Variants in BORCS5 observed in about 807,000 individuals in gnomAD.
The protein encoded by BORCS5 is BLOC-1-related complex subunit 5.
BORCS5 carries 17 observed loss-of-function variants against 22.1 expected under a neutral mutation model. The observed-to-expected ratio is 0.77, with a 90% CI of 0.53 to 1.15. The LOEUF (loss-of-function observed/expected upper bound fraction) is 1.15, where lower values mean the gene tolerates loss of function less well. BORCS5 is among the 50% of genes most tolerant of loss of function. BORCS5 has a pLI of 0.00. For missense variants in BORCS5, 247 were observed against 253.2 expected (o/e 0.98, Z 0.17); for synonymous variants, 117 against 99.8 (o/e 1.17, Z -1.03).
chr12:12,433,902 G>A (rs550591628), intron 2 of BORCS5, among the ~76,000 whole-genome samples: 2 of 152,294 alleles, frequency 1.3e-5, no homozygotes, highest in East Asian at 3.9e-4. Context: ...AGCCTGTCTG[G>A]AGGGAGAGAA....
rs138265849 is a variant in BORCS5, at chr12:12,405,003, A to T, written c.203-30625A>T. Among the ~76,000 whole-genome samples the T allele has an allele frequency of 1.5e-3, 233 of 152,314 alleles. 3 individuals carry two copies. Among genetic ancestry groups the T allele is most frequent in the African/African-American group, 5.4e-3 (226 of 41,582 alleles). ...GGCATGAGCCACCGCGCCCGGCCAGAGAACTACTTTGTGTAAGTCTACGAG... is the reference window on the plus strand; with the variant it reads ...GGCATGAGCCACCGCGCCCGGCCAGTGAACTACTTTGTGTAAGTCTACGAG... On this transcript the variant is annotated intron_variant, in intron 2 of 3. Transcript: ENST00000314565.
chr12:12,439,477 GA>G (rs996079508), intron 3 of BORCS5, among the ~76,000 whole-genome samples: 1 of 149,940 alleles, frequency 6.7e-6, no homozygotes, highest in East Asian at 1.9e-4. Context: ...AAAAGACCAA[GA>G]AAAAAAACAA....
At chr12:12,450,526 A>G (rs1351107500) in intron 3 of BORCS5, among the ~76,000 whole-genome samples, 1 of 152,194 alleles carries the variant, frequency 6.6e-6, no homozygotes, top group African/African-American at 2.4e-5. Flanking sequence ...TTTATTAGAA[A>G]AGTAAACACC....
At chr12:12,409,643 G>T (rs1326428640) in intron 2 of BORCS5, among the ~76,000 whole-genome samples, 1 of 152,090 alleles carries the variant, frequency 6.6e-6, no homozygotes, top group Admixed American at 6.5e-5. Context: ...TGGACATTTG[G>T]GTTGGTTCCA....
rs148082911 is a variant in BORCS5, at chr12:12,467,000, C to T, written c.*1224C>T. ...CTGGAGTGCAGTGGCGCAATCATAG[C>T]ACACTGACTCCTCAAACTCCCGGGC... On this transcript the variant is annotated 3_prime_UTR_variant, in exon 4 of 4. Transcript: ENST00000314565. 6.6e-6 allele frequency: 1 copy of T among 152,368 alleles called. No homozygotes were observed. The allele number at this position is 152,368 out of a possible 1,614,324, so 9.4% of individuals were successfully genotyped here.
Position 12,366,725 on chromosome 12 carries a change from C to T in BORCS5, c.202+5376C>T, listed in dbSNP as rs577267417. On this transcript the variant is annotated intron_variant, in intron 2 of 3. Transcript: ENST00000314565. ...TAATGAATCCCACTCTATTGTATGT[C>T]ATTCTAAAGAAATGAAATATTTGCA... Among the ~76,000 whole-genome samples the T allele has an allele frequency of 4.6e-5, 7 of 152,254 alleles. No homozygotes were observed. In the South Asian group the frequency reaches 1.5e-3, roughly 32 times the overall value.
intron 2 of BORCS5, among the ~76,000 whole-genome samples, chr12:12,376,493 A>C (rs1863657567): frequency 1.3e-5 from 2 of 152,150 alleles, no homozygotes; most frequent in Admixed American, 1.3e-4. Context: ...TCGGCCTCCC[A>C]AAGTGCTGGG....
chr12:12,421,350 G>T lies in BORCS5; in HGVS notation c.203-14278G>T, dbSNP rs1022580426. On this transcript the variant is annotated intron_variant, in intron 2 of 3. Transcript: ENST00000314565. ...CGGTTCTGTTTATGTGATGGATTACGTTTATTGATTTGTGTATGTTGAACC... is the reference window on the plus strand; with the variant it reads ...CGGTTCTGTTTATGTGATGGATTACTTTTATTGATTTGTGTATGTTGAACC... Among the ~76,000 whole-genome samples the T allele has an allele frequency of 3.9e-5, 6 of 152,086 alleles. No individual in the cohort carries two copies. In the East Asian group the frequency reaches 1.2e-3, roughly 29 times the overall value.
chr12:12,389,697 G>A (rs969200435), intron 2 of BORCS5, among the ~76,000 whole-genome samples: 3 of 152,100 alleles, frequency 2.0e-5, no homozygotes, highest in African/African-American at 7.3e-5. Context: ...AGGCTGGAGT[G>A]CGGTGGCATG....
At chr12:12,415,463 T>A (rs992432350) in intron 2 of BORCS5, among the ~76,000 whole-genome samples, 1 of 141,758 alleles carries the variant, frequency 7.1e-6, no homozygotes, top group African/African-American at 2.6e-5. Context: ...GGCAGGAGAA[T>A]CAGGCAGGGA....
chr12:12,357,143 C>G lies in BORCS5; in HGVS notation c.-309C>G. 6.5e-7 allele frequency: 1 copy of G among 1,533,400 alleles called. No individual in the cohort carries two copies. Among genetic ancestry groups the G allele is most frequent in the Non-Finnish European group, 8.7e-7 (1 of 1,145,778 alleles). 95.0% of individuals were successfully genotyped at this position (1,533,400 alleles called of 1,614,324 possible). A position where few individuals can be genotyped will look rare whatever the true frequency, so the allele number is the denominator to read the frequency against. ...AGTGAGTGAAAGCGGCGCCGCCCGCCGGCCGCAGGTGCGGCAAAGCCAGTG... is the reference window on the plus strand; with the variant it reads ...AGTGAGTGAAAGCGGCGCCGCCCGCGGGCCGCAGGTGCGGCAAAGCCAGTG... On this transcript the variant is annotated 5_prime_UTR_variant, in exon 1 of 4. Transcript: ENST00000314565.
intron 2 of BORCS5, among the ~76,000 whole-genome samples, chr12:12,397,292 C>T (rs1941372350): frequency 6.6e-6 from 1 of 152,078 alleles, no homozygotes; most frequent in Non-Finnish European, 1.5e-5. Flanking sequence ...AGTGGAAACC[C>T]CAAAATGCCG....
intron 2 of BORCS5, among the ~76,000 whole-genome samples, chr12:12,404,738 G>A (rs536561858): frequency 1.3e-5 from 2 of 152,178 alleles, no homozygotes; most frequent in East Asian, 3.9e-4. Context: ...AGTCTCTGTT[G>A]CCCAGGCTGG....
chr12:12,392,599 T>C (rs1459680631), intron 2 of BORCS5, among the ~76,000 whole-genome samples: 4 of 152,108 alleles, frequency 2.6e-5, no homozygotes, highest in Non-Finnish European at 4.4e-5. Flanking sequence ...ACAGTATCCT[T>C]ATCTATAAAT....
chr12:12,391,455 G>C (rs576864306), intron 2 of BORCS5, among the ~76,000 whole-genome samples: 8 of 151,356 alleles, frequency 5.3e-5, no homozygotes, highest in African/African-American at 1.9e-4. Context: ...GCATGATCTC[G>C]GCTCACTTCA....
At chr12:12,439,317 G>C (rs377483617) in intron 3 of BORCS5, among the ~76,000 whole-genome samples, 1 of 152,088 alleles carries the variant, frequency 6.6e-6, no homozygotes, top group African/African-American at 2.4e-5. Context: ...CCAGTGTTTT[G>C]GAGCATTCAT....
At position 12,413,226 on chromosome 12, in the gene BORCS5, G is replaced by C. The variant is rs527606479; in HGVS notation, c.203-22402G>C. 5.5e-5 allele frequency among the ~76,000 whole-genome samples: 5 copies of C among 91,698 alleles called. No individual in the cohort carries two copies. In the East Asian group the frequency reaches 1.1e-3, roughly 20 times the overall value. The allele number at this position is 91,698 out of a possible 152,430, so 60.2% of individuals were successfully genotyped here. ...GGTTTTCCTAGGCAGAGGACCCTGC[G>C]GCCTTCCGCAGTGTTTGTGTCCCTG... is the stretch of plus-strand genomic sequence containing the variant. On this transcript the variant is annotated intron_variant, in intron 2 of 3. Transcript: ENST00000314565.
Position 12,383,340 on chromosome 12 carries a change from C to T in BORCS5, c.202+21991C>T, listed in dbSNP as rs941730827. 8.6e-5 allele frequency among the ~76,000 whole-genome samples: 13 copies of T among 150,918 alleles called. 1 individual carries two copies. Among genetic ancestry groups the T allele is most frequent in the African/African-American group, 2.9e-4 (12 of 41,026 alleles). On this transcript the variant is annotated intron_variant, in intron 2 of 3. Coordinates refer to ENST00000314565, the MANE Select transcript of BORCS5 (RefSeq NM_058169.6). Reference sequence around the variant, plus strand: ...ATAATATCTGTATATATTTGTAAACCCAAAACACAGTGTCATAGTTACTTC... The same window carrying T: ...ATAATATCTGTATATATTTGTAAACTCAAAACACAGTGTCATAGTTACTTC...
intron 2 of BORCS5, among the ~76,000 whole-genome samples, chr12:12,403,090 C>G (rs1941514097): frequency 6.6e-6 from 1 of 151,322 alleles, no homozygotes; most frequent in Non-Finnish European, 1.5e-5. Context: ...AAAAGTGTTA[C>G]ATGTATTTTC....
Sources: allele counts gnomAD v4.1 joint callset (sites outside exome capture counted in the v4.1 genomes callset), GRCh38; gene constraint gnomAD v4.1.1; transcripts MANE v1.5; gene names NCBI Gene and HGNC (gene_info 2026-07-23, HGNC 2026-07-21).